The following DACH2 variants were observed in gnomAD, a reference collection of about 807,000 sequenced individuals.
DACH2 encodes dachshund homolog 2.
In DACH2, 17 loss-of-function variants were observed where a neutral mutation model predicts 35.8. The observed-to-expected ratio is 0.48, with a 90% CI of 0.33 to 0.71. The LOEUF is 0.71. Ranked by LOEUF, DACH2 falls within the 30% of genes least tolerant of loss-of-function variation. DACH2 has a pLI of 0.02. For missense variants in DACH2, 469 were observed against 472.7 expected (o/e 0.99, Z 0.07); for synonymous variants, 195 against 177.3 (o/e 1.10, Z -0.79).
intron 1 of DACH2, among the ~76,000 whole-genome samples, chrX:86,292,428 A>C (rs947999310): frequency 1.0e-5 from 1 of 100,079 alleles, no homozygotes; most frequent in Non-Finnish European, 2.0e-5. Flanking sequence ...TATTTCCTTC[A>C]GTTCTGCTCT....
chrX:86,447,121 T>C (rs1389400053), intron 2 of DACH2, among the ~76,000 whole-genome samples: 1 of 98,421 alleles, frequency 1.0e-5, no homozygotes, highest in African/African-American at 3.7e-5. Context: ...TCATGTCCTT[T>C]GCCCACTTTT....
At chrX:86,495,859 A>C (rs2038162264) in intron 2 of DACH2, among the ~76,000 whole-genome samples, 1 of 111,011 alleles carries the variant, frequency 9.0e-6, no homozygotes, top group Non-Finnish European at 1.9e-5. Context: ...TCTGCAAGCT[A>C]TTTAACCTAC....
intron 3 of DACH2, among the ~76,000 whole-genome samples, chrX:86,548,180 G>T (rs2039001297): frequency 9.0e-6 from 1 of 110,664 alleles, no homozygotes. Context: ...TAGCTCACGT[G>T]CTTGGGCAGG....
intron 1 of DACH2, among the ~76,000 whole-genome samples, chrX:86,216,362 C>T (rs2032571602): frequency 9.3e-6 from 1 of 107,670 alleles, no homozygotes; most frequent in Non-Finnish European, 1.9e-5. Context: ...TCCCCCAGCC[C>T]ACCACCCCCA....
At chrX:86,785,620 T>C (rs953640059) in intron 7 of DACH2, among the ~76,000 whole-genome samples, 8 of 111,801 alleles carry the variant, frequency 7.2e-5, no homozygotes, top group African/African-American at 2.6e-4. Context: ...GGCAACTCTT[T>C]CTGGGAGTTT....
intron 6 of DACH2, among the ~76,000 whole-genome samples, chrX:86,715,680 A>G (rs1285424446): frequency 4.5e-5 from 5 of 111,775 alleles, no homozygotes; most frequent in African/African-American, 1.6e-4. Flanking sequence ...CCCAAACATA[A>G]ATGTGAGACA....
chrX:86,677,534 G>T (rs2040836589), intron 4 of DACH2, among the ~76,000 whole-genome samples: 1 of 111,878 alleles, frequency 8.9e-6, no homozygotes, highest in Non-Finnish European at 1.9e-5. Context: ...ACACTTGCCT[G>T]ACAACAACTG....
chrX:86,281,466 A>T (rs746687082), intron 1 of DACH2, among the ~76,000 whole-genome samples: 1 of 111,501 alleles, frequency 9.0e-6, no homozygotes, highest in South Asian at 3.8e-4. Flanking sequence ...CATGCTAAAC[A>T]CTCTCAATCA....
At position 86,755,809 on chromosome X, in the gene DACH2, G is replaced by A. The variant is rs564616330; in HGVS notation, c.1240+15927G>A. Among the ~76,000 whole-genome samples the A allele has an allele frequency of 2.8e-4, 31 of 109,250 alleles. No individual in the cohort carries two copies. The South Asian group carries it at 0.012, about 41-fold the overall frequency. The allele number at this position is 109,250 out of a possible 115,157, so 94.9% of individuals were successfully genotyped here. On this transcript the variant is annotated intron_variant, in intron 7 of 11. Transcript: ENST00000373125. Reference sequence around the variant, plus strand: ...AGATGGGGTTTCACCATGTTAGCCAGGATGGTCTTGATCTCCTGACCTCGT... The same window carrying A: ...AGATGGGGTTTCACCATGTTAGCCAAGATGGTCTTGATCTCCTGACCTCGT...
intron 3 of DACH2, among the ~76,000 whole-genome samples, chrX:86,583,861 G>A (rs1281298127): frequency 9.1e-6 from 1 of 109,988 alleles, no homozygotes; most frequent in African/African-American, 3.3e-5. Context: ...CCATATTGTT[G>A]AGAGAGATTC....
chrX:86,611,655 A>G (rs927629270), intron 3 of DACH2, among the ~76,000 whole-genome samples: 1 of 111,222 alleles, frequency 9.0e-6, no homozygotes, highest in Admixed American at 9.5e-5. Context: ...GTAGGCAGGC[A>G]TCAGTTGCAT....
At chrX:86,346,349 T>A (rs2035496911) in intron 1 of DACH2, among the ~76,000 whole-genome samples, 1 of 109,441 alleles carries the variant, frequency 9.1e-6, no homozygotes, top group Non-Finnish European at 1.9e-5. Flanking sequence ...TACTGATACC[T>A]ACAGCAGGTA....
At chrX:86,667,204 C>T (rs1315051184) in intron 4 of DACH2, among the ~76,000 whole-genome samples, 2 of 97,619 alleles carry the variant, frequency 2.0e-5, no homozygotes, top group African/African-American at 7.6e-5. Flanking sequence ...TACAGTGAGC[C>T]GAGACTGCAC....
chrX:86,515,044 CT>C (rs935612130), intron 3 of DACH2, among the ~76,000 whole-genome samples: 1 of 111,332 alleles, frequency 9.0e-6, no homozygotes, highest in Admixed American at 9.6e-5. Context: ...ATAATTGAAT[CT>C]TTAAAAATCA....
chrX:86,781,292 A>G (rs923132348), intron 7 of DACH2, among the ~76,000 whole-genome samples: 5 of 111,374 alleles, frequency 4.5e-5, no homozygotes, highest in Non-Finnish European at 9.4e-5. Flanking sequence ...AAGCCGGGAG[A>G]TAGAATCCTT....
intron 2 of DACH2, among the ~76,000 whole-genome samples, chrX:86,489,750 A>G (rs1456557795): frequency 1.8e-5 from 2 of 111,836 alleles, no homozygotes; most frequent in East Asian, 5.6e-4. Context: ...TTAAAGTAAT[A>G]TATCCTCATA....
At chrX:86,466,547 A>G (rs1419684903) in intron 2 of DACH2, among the ~76,000 whole-genome samples, 1 of 111,613 alleles carries the variant, frequency 9.0e-6, no homozygotes, top group African/African-American at 3.3e-5. Flanking sequence ...TTTCAGCATT[A>G]ACCTAGAAGT....
chrX:86,633,065 A>G (rs772529199), intron 3 of DACH2, among the ~76,000 whole-genome samples: 41 of 109,630 alleles, frequency 3.7e-4, no homozygotes, highest in African/African-American at 1.4e-3. Flanking sequence ...ACCCAAAGCT[A>G]GCCAAAACAA....
intron 4 of DACH2, among the ~76,000 whole-genome samples, chrX:86,691,059 G>GACTT (rs2041004680): frequency 9.0e-6 from 1 of 111,660 alleles, no homozygotes; most frequent in Admixed American, 9.6e-5. Flanking sequence ...ATTTCTTGAA[G>GACTT]ACTTAAAGAG....
Sources: gnomAD v4.1 joint callset for allele counts (sites outside exome capture counted in the v4.1 genomes callset) on GRCh38, gnomAD v4.1.1 for gene constraint, MANE v1.5 for transcripts, NCBI Gene and HGNC (gene_info 2026-07-23, HGNC 2026-07-21) for gene names.